The following LRRC4C variants were observed in gnomAD, a reference collection of about 807,000 sequenced individuals.
LRRC4C encodes leucine-rich repeat-containing protein 4C.
In LRRC4C, 5 loss-of-function variants were observed where a neutral mutation model predicts 33.6. The observed-to-expected ratio is 0.15, with a 90% CI of 0.08 to 0.31. The LOEUF is 0.31. Among genes scored for constraint, LRRC4C ranks in the 10% least tolerant of loss-of-function variants. The pLI is 1.00. For missense variants in LRRC4C, 560 were observed against 796.7 expected (o/e 0.70, Z 3.58); for synonymous variants, 329 against 302.0 (o/e 1.09, Z -0.93).
At chr11:40,378,366 C>A (rs1948738428) in intron 3 of LRRC4C, among the ~76,000 whole-genome samples, 2 of 151,860 alleles carry the variant, frequency 1.3e-5, no homozygotes, top group Non-Finnish European at 2.9e-5. Flanking sequence ...AATTGAAGTA[C>A]CTGATCAAGA....
At chr11:40,913,989 C>A (rs1255334198) in intron 2 of LRRC4C, among the ~76,000 whole-genome samples, 1 of 152,134 alleles carries the variant, frequency 6.6e-6, no homozygotes, top group East Asian at 1.9e-4. Flanking sequence ...CCTCCCAAGA[C>A]TAAAACAGGA....
intron 3 of LRRC4C, among the ~76,000 whole-genome samples, chr11:40,470,195 C>CA (rs1952860012): frequency 1.3e-5 from 2 of 152,202 alleles, no homozygotes; most frequent in African/African-American, 2.4e-5. Flanking sequence ...AAACAGGCAG[C>CA]AATGTTTGCT....
chr11:40,501,238 G>T (rs2138625722), intron 3 of LRRC4C, among the ~76,000 whole-genome samples: 1 of 152,286 alleles, frequency 6.6e-6, no homozygotes, highest in Non-Finnish European at 1.5e-5. Flanking sequence ...AAGCTGCTGT[G>T]AGAGTCTGTG....
chr11:40,816,928 A>C lies in LRRC4C; in HGVS notation c.-407+116707T>G, dbSNP rs1269664830. ...GGTAGAAGACTTGTGGTCCTATCAC[A>C]ATAGATATCTATAACGTAAAGACAG... On this transcript the variant is annotated intron_variant, in intron 2 of 6. Coordinates refer to ENST00000528697, the MANE Select transcript of LRRC4C (RefSeq NM_001258419.2). Among the ~76,000 whole-genome samples, 44 of 152,152 alleles carry C rather than the reference A, an allele frequency of 2.9e-4. 1 individual carries two copies.
intron 1 of LRRC4C, among the ~76,000 whole-genome samples, chr11:41,257,300 A>G (rs1194176539): frequency 6.6e-6 from 1 of 152,078 alleles, no homozygotes; most frequent in Non-Finnish European, 1.5e-5. Flanking sequence ...GAAATATACT[A>G]TAAAAAGTTG....
chr11:40,148,853 T>G (rs1331827802), intron 5 of LRRC4C, among the ~76,000 whole-genome samples: 1 of 152,342 alleles, frequency 6.6e-6, no homozygotes, highest in East Asian at 1.9e-4. Flanking sequence ...GAGTTAATTT[T>G]TGTATATGGT....
chr11:40,405,959 G>A (rs184498647), intron 3 of LRRC4C, among the ~76,000 whole-genome samples: 50 of 151,984 alleles, frequency 3.3e-4, no homozygotes, highest in African/African-American at 9.2e-4. Flanking sequence ...TCTCTGTATG[G>A]TTTCATAGGT....
intron 2 of LRRC4C, among the ~76,000 whole-genome samples, chr11:40,855,818 GA>G (rs1953751278): frequency 6.6e-6 from 1 of 151,808 alleles, no homozygotes; most frequent in African/African-American, 2.4e-5. Flanking sequence ...TAAAGGTACA[GA>G]ATTTAAATGA....
chr11:40,897,712 GATAA>G (rs1180843350), intron 2 of LRRC4C, among the ~76,000 whole-genome samples: 4 of 152,204 alleles, frequency 2.6e-5, no homozygotes, highest in Admixed American at 2.6e-4. Flanking sequence ...TATTACTGCT[GATAA>G]ATAGCCAAAG....
intron 3 of LRRC4C, among the ~76,000 whole-genome samples, chr11:40,556,722 A>G (rs897487387): frequency 6.6e-6 from 1 of 152,192 alleles, no homozygotes; most frequent in Non-Finnish European, 1.5e-5. Flanking sequence ...ATTAGGATAA[A>G]AAAATTCATA....
chr11:40,734,945 G>A (rs1040825140), intron 2 of LRRC4C, among the ~76,000 whole-genome samples: 26 of 151,874 alleles, frequency 1.7e-4, no homozygotes, highest in African/African-American at 6.3e-4. Context: ...TCAGCTAGGG[G>A]CCCATTTAAA....
rs369025569 is a variant in LRRC4C, at chr11:41,306,021, T to C, written c.-496+153410A>G. 3.0e-4 allele frequency among the ~76,000 whole-genome samples: 33 copies of C among 110,460 alleles called. 1 individual carries two copies. In the South Asian group the frequency reaches 8.8e-3, roughly 29 times the overall value. 72.5% of individuals were successfully genotyped at this position (110,460 alleles called of 152,430 possible). The stretch of plus-strand genomic sequence containing the variant: ...CCCTGGGCCCCCTTATTTCTTTCTC[T>C]AAAAAAAAAAAAAAAAAAAGAAAGA... On this transcript the variant is annotated intron_variant, in intron 1 of 6. Transcript: ENST00000528697.
chr11:40,574,178 A>G (rs1263432170), intron 3 of LRRC4C, among the ~76,000 whole-genome samples: 1 of 152,196 alleles, frequency 6.6e-6, no homozygotes, highest in Non-Finnish European at 1.5e-5. Context: ...TTTTAAAGTC[A>G]AGGACTCCTT....
intron 5 of LRRC4C, among the ~76,000 whole-genome samples, chr11:40,164,460 C>T (rs1366040403): frequency 6.6e-6 from 1 of 152,118 alleles, no homozygotes; most frequent in Admixed American, 6.5e-5. Context: ...CCAGGCTGGT[C>T]TCCTGACCTC....
intron 1 of LRRC4C, among the ~76,000 whole-genome samples, chr11:41,226,344 AT>A (rs1947533320): frequency 6.6e-6 from 1 of 152,178 alleles, no homozygotes; most frequent in African/African-American, 2.4e-5. Flanking sequence ...CTCATGGAGT[AT>A]TTCAATGCCT....
At chr11:40,948,363 T>C (rs555571085) in intron 1 of LRRC4C, among the ~76,000 whole-genome samples, 8 of 152,242 alleles carry the variant, frequency 5.3e-5, no homozygotes, top group African/African-American at 1.7e-4. Flanking sequence ...TTCATTCATC[T>C]CTTTTTCTTT....
chr11:40,850,530 C>G (rs1157633089), intron 2 of LRRC4C, among the ~76,000 whole-genome samples: 1 of 152,030 alleles, frequency 6.6e-6, no homozygotes, highest in African/African-American at 2.4e-5. Flanking sequence ...GAGGGGCACC[C>G]ACCAGAGCTC....
chr11:40,682,035 T>C (rs918734235), intron 2 of LRRC4C, among the ~76,000 whole-genome samples: 1 of 151,938 alleles, frequency 6.6e-6, no homozygotes, highest in African/African-American at 2.4e-5. Flanking sequence ...CTCTCACAAA[T>C]CTCCACTAAA....
chr11:40,311,198 C>T (rs900499561), intron 4 of LRRC4C, among the ~76,000 whole-genome samples: 2 of 152,158 alleles, frequency 1.3e-5, no homozygotes, highest in Non-Finnish European at 2.9e-5. Context: ...ATTGATATTT[C>T]TCTCCTGCAG....
Sources: gnomAD v4.1 joint callset for allele counts (sites outside exome capture counted in the v4.1 genomes callset) on GRCh38, gnomAD v4.1.1 for gene constraint, MANE v1.5 for transcripts, NCBI Gene and HGNC (gene_info 2026-07-23, HGNC 2026-07-21) for gene names.